LYZL1: variants seen among roughly 807,000 people sequenced by gnomAD.
LYZL1 encodes lysozyme like 1, also known as lysozyme-like protein 1.
In LYZL1, 16 loss-of-function variants were observed where a neutral mutation model predicts 17.9. That is an observed-to-expected ratio of 0.90 (90% CI 0.61 to 1.36). The LOEUF (loss-of-function observed/expected upper bound fraction) is 1.36. Ranked by LOEUF, LYZL1 falls within the 40% of genes most tolerant of loss-of-function variation. The probability of loss-of-function intolerance (pLI) is 0.00; values close to 1 mark genes in which losing one functional copy is unlikely to be tolerated. For synonymous variants in LYZL1, 58 were observed against 71.8 expected (o/e 0.81, Z 0.97); for missense variants, 149 against 188.4 (o/e 0.79, Z 1.22).
intron 4 of LYZL1, among the ~76,000 whole-genome samples, chr10:29,310,671 G>A (rs774225118): frequency 6.6e-6 from 1 of 152,164 alleles, no homozygotes; most frequent in Non-Finnish European, 1.5e-5. Flanking sequence ...CCTTGCATTC[G>A]CTGCTGCTGT....
chr10:29,307,999 A>G (rs1175190520), intron 3 of LYZL1, among the ~76,000 whole-genome samples: 1 of 152,152 alleles, frequency 6.6e-6, no homozygotes. Context: ...AGCATTACCC[A>G]ATTCTCTAAA....
rs138547106 is a variant in LYZL1, at chr10:29,304,417, G to C, written c.299-5693G>C. On this transcript the variant is annotated intron_variant, in intron 3 of 4. Transcript: ENST00000649382. ...GGCCTTTGTCATCTCACAGGGGAAAGAGATGAACATCGAGGGTGTGTGGCT... is the reference window on the plus strand; with the variant it reads ...GGCCTTTGTCATCTCACAGGGGAAACAGATGAACATCGAGGGTGTGTGGCT... 2.6e-3 allele frequency among the ~76,000 whole-genome samples: 399 copies of C among 152,274 alleles called. 1 individual carries two copies. The highest frequency in any genetic ancestry group is 9.3e-3 in the African/African-American group (388 of 41,562).
chr10:29,301,757 T>C (rs1835521906), intron 3 of LYZL1, among the ~76,000 whole-genome samples: 1 of 152,202 alleles, frequency 6.6e-6, no homozygotes, highest in Non-Finnish European at 1.5e-5. Flanking sequence ...CTTCTAATAC[T>C]CTTCTTTTCT....
rs148644544 is a variant in LYZL1 at position 29,310,182 on chromosome 10, A to G, written c.371A>G (p.Asn124Ser). 146 of 1,604,388 alleles carry G rather than the reference A, an allele frequency of 9.1e-5. No homozygotes were observed. In the African/African-American group the frequency reaches 1.5e-3, roughly 17 times the overall value. Residue 124 changes from asparagine to serine, a missense_variant, in exon 4 of 5, where the codon AAC (asparagine) becomes AGC (serine). Coordinates refer to ENST00000649382, the MANE Select transcript of LYZL1 (RefSeq NM_032517.6). ...RKIVKETQGMNYWQGWKKHCE... is the reference protein window; with the variant it reads ...RKIVKETQGMSYWQGWKKHCE... ...ATTGTTAAAGAGACACAAGGAATGA[A>G]CTATTGGTAAGAGTGTTTTCTTGGG...
downstream of LYZL1, among the ~76,000 whole-genome samples, chr10:29,312,496 C>G (rs1459890570): frequency 6.6e-6 from 1 of 152,132 alleles, no homozygotes; most frequent in Admixed American, 6.6e-5. Flanking sequence ...TGGGACACCC[C>G]TGATTTAAAT....
intron 3 of LYZL1, among the ~76,000 whole-genome samples, chr10:29,293,107 CT>C (rs200422181): frequency 6.4e-5 from 8 of 124,338 alleles, no homozygotes; most frequent in Admixed American, 4.1e-4. Context: ...TCTTTTCTTT[CT>C]TTTTTTTTCT....
chr10:29,306,202 CA>C (rs1232693969), intron 3 of LYZL1, among the ~76,000 whole-genome samples: 1 of 151,674 alleles, frequency 6.6e-6, no homozygotes, highest in Admixed American at 6.6e-5. Flanking sequence ...TGCTGTCAAA[CA>C]TGAGAACCAC....
intron 3 of LYZL1, among the ~76,000 whole-genome samples, chr10:29,307,635 C>T (rs1835613655): frequency 6.6e-6 from 1 of 152,168 alleles, no homozygotes; most frequent in South Asian, 2.1e-4. Context: ...GGGAGCATTT[C>T]CCCCATGTTA....
At chr10:29,292,428 G>A in intron 2 of LYZL1, 91 bp from the exon 3 acceptor site, 1 of 1,547,272 alleles carries the variant, frequency 6.5e-7, no homozygotes, top group African/African-American at 1.4e-5. Flanking sequence ...GAAGCAGTCA[G>A]GTAACAAGGA....
At chr10:29,310,053 A>C in intron 3 of LYZL1, 57 bp from the exon 4 acceptor site, 1 of 1,240,602 alleles carries the variant, frequency 8.1e-7, no homozygotes, top group Non-Finnish European at 1.2e-6. Context: ...AGTTGAGTTG[A>C]GGTCCCTCTC....
chr10:29,307,874 C>T (rs964751825), intron 3 of LYZL1, among the ~76,000 whole-genome samples: 2 of 152,148 alleles, frequency 1.3e-5, no homozygotes, highest in South Asian at 2.1e-4. Context: ...GGATAAACAC[C>T]TCTTTAAGGC....
intron 3 of LYZL1, among the ~76,000 whole-genome samples, chr10:29,306,667 T>TAATTGACA (rs1303180729): frequency 1.3e-5 from 2 of 151,762 alleles, no homozygotes; most frequent in Non-Finnish European, 2.9e-5. Flanking sequence ...TAGTGAGGTA[T>TAATTGACA]AATTGACAAA....
At chr10:29,300,844 C>A (rs962806394) in intron 3 of LYZL1, among the ~76,000 whole-genome samples, 1 of 152,128 alleles carries the variant, frequency 6.6e-6, no homozygotes, top group African/African-American at 2.4e-5. Context: ...TGTTTTGAGA[C>A]AGGGTCTTGC....
At chr10:29,304,450 T>G (rs1314824154) in intron 3 of LYZL1, among the ~76,000 whole-genome samples, 1 of 152,134 alleles carries the variant, frequency 6.6e-6, no homozygotes, top group East Asian at 1.9e-4. Flanking sequence ...GCTGCTAGAT[T>G]TCACTTGGGA....
Position 29,293,127 on chromosome 10 carries a change from C to CTTTTCT in LYZL1, c.298+454_298+455insCTTTTT, listed in dbSNP as rs1835397932. ...TCTTTCTTTTTTTTTCTTTTCTTTT[C>CTTTTCT]TTTTTTCTTTTTTTTTTTTTTTTGA... On this transcript the variant is annotated intron_variant, in intron 3 of 4. Coordinates refer to ENST00000649382, the MANE Select transcript of LYZL1 (RefSeq NM_032517.6). Among the ~76,000 whole-genome samples the CTTTTCT allele has an allele frequency of 4.6e-3, 480 of 104,080 alleles. 2 individuals are homozygous for CTTTTCT. Among genetic ancestry groups the CTTTTCT allele is most frequent in the Non-Finnish European group, 6.2e-3 (311 of 50,548 alleles). 68.3% of individuals were successfully genotyped at this position (104,080 alleles called of 152,430 possible).
intron 3 of LYZL1, among the ~76,000 whole-genome samples, chr10:29,296,179 T>C (rs554112356): frequency 2.0e-5 from 3 of 151,960 alleles, no homozygotes; most frequent in African/African-American, 7.2e-5. Context: ...GATTCGAGAA[T>C]CAATAAGATA....
intron 3 of LYZL1, among the ~76,000 whole-genome samples, chr10:29,306,572 A>G (rs1473471738): frequency 1.2e-4 from 16 of 132,678 alleles, no homozygotes; most frequent in African/African-American, 4.2e-4. Context: ...AAAAAAAAAA[A>G]AAAGAAAAAA....
chr10:29,297,964 A>G (rs376381439), intron 3 of LYZL1, among the ~76,000 whole-genome samples: 16 of 152,350 alleles, frequency 1.1e-4, no homozygotes, highest in African/African-American at 2.9e-4. Context: ...AACCATTTCC[A>G]CTATAAAATT....
At chr10:29,299,383 T>C (rs998124321) in intron 3 of LYZL1, among the ~76,000 whole-genome samples, 1 of 149,296 alleles carries the variant, frequency 6.7e-6, no homozygotes, top group African/African-American at 2.5e-5. Context: ...ATGTGTCTTA[T>C]GATGAATATG....
Sources: allele counts gnomAD v4.1 joint callset (sites outside exome capture counted in the v4.1 genomes callset), GRCh38; gene constraint gnomAD v4.1.1; transcripts MANE v1.5; gene names NCBI Gene and HGNC (gene_info 2026-07-23, HGNC 2026-07-21).